The following DYM variants were observed in gnomAD, a reference collection of about 807,000 sequenced individuals.
DYM encodes the protein dyggve-Melchior-Clausen syndrome protein.
In DYM, 78 loss-of-function variants were observed where a neutral mutation model predicts 93.1. The observed-to-expected ratio is 0.84, with a 90% confidence interval of 0.70 to 1.01. The LOEUF (loss-of-function observed/expected upper bound fraction) is 1.01, where lower values mean the gene tolerates loss of function less well. Ranked by LOEUF, DYM falls within the 50% of genes least tolerant of loss-of-function variation. The pLI is 0.00. For synonymous variants in DYM, 321 were observed against 319.7 expected (o/e 1.00, Z -0.04); for missense variants, 789 against 845.0 (o/e 0.93, Z 0.82).
At chr18:49,281,249 T>G (rs962487651) in intron 10 of DYM, among the ~76,000 whole-genome samples, 5 of 152,176 alleles carry the variant, frequency 3.3e-5, no homozygotes, top group African/African-American at 1.2e-4. Flanking sequence ...AAAACCTCAA[T>G]GAGATACCAT....
At chr18:49,095,011 G>A (rs1313680828) in intron 17 of DYM, among the ~76,000 whole-genome samples, 1 of 151,916 alleles carries the variant, frequency 6.6e-6, no homozygotes, top group Non-Finnish European at 1.5e-5. Context: ...TTTCATAGAG[G>A]GCTTATTAAG....
intron 2 of DYM, chr18:49,411,791 A>T (rs1037869063): frequency 6.6e-6 from 1 of 152,216 alleles, no homozygotes; most frequent in African/African-American, 2.4e-5. Flanking sequence ...TTCAGCCAAC[A>T]ACATACAAAT....
rs79451553 is a variant in DYM, at chr18:49,066,843, C to T, written c.2026-22639G>A. ...TACAAGGTGGCTATCATACTTGCAT[C>T]TTGGCCAACATAGCCTCCTGTACTT... On this transcript the variant is annotated intron_variant, in intron 17 of 17. Coordinates refer to ENST00000675505, the MANE Select transcript of DYM (RefSeq NM_001353214.3). Among the ~76,000 whole-genome samples the T allele has an allele frequency of 5.3e-3, 809 of 152,230 alleles. 8 individuals are homozygous for T. Among genetic ancestry groups the T allele is most frequent in the African/African-American group, 0.018 (737 of 41,516 alleles).
chr18:49,102,591 A>G (rs1302877904), intron 16 of DYM, among the ~76,000 whole-genome samples: 1 of 151,892 alleles, frequency 6.6e-6, no homozygotes, highest in Non-Finnish European at 1.5e-5. Context: ...AACAGGCCCC[A>G]GTGTGTGACG....
intron 13 of DYM, among the ~76,000 whole-genome samples, chr18:49,229,749 A>G (rs1281696264): frequency 6.6e-6 from 1 of 152,154 alleles, no homozygotes; most frequent in Non-Finnish European, 1.5e-5. Context: ...TATGCCCAAG[A>G]AACTCTACTC....
At chr18:49,125,101 T>C (rs374332306) in intron 15 of DYM, among the ~76,000 whole-genome samples, 4 of 151,928 alleles carry the variant, frequency 2.6e-5, no homozygotes, top group South Asian at 4.2e-4. Flanking sequence ...CTACTAAATA[T>C]ACAAAAAAAG....
intron 14 of DYM, among the ~76,000 whole-genome samples, chr18:49,201,351 T>G (rs1600585846): frequency 6.6e-6 from 1 of 152,298 alleles, no homozygotes; most frequent in Admixed American, 6.5e-5. Flanking sequence ...ATTAAGTCCT[T>G]CTTTTTCCAT....
Position 49,440,309 on chromosome 18 carries a change from T to C in DYM, c.-53-9862A>G, listed in dbSNP as rs1483427697. ...TTCTACACTCTATTCCAGAATCGCT[T>C]TCCTCCTAAATATACATATACTATT... On this transcript the variant is annotated intron_variant, in intron 1 of 17. Coordinates refer to ENST00000675505, the MANE Select transcript of DYM (RefSeq NM_001353214.3). 3.7e-5 allele frequency among the ~76,000 whole-genome samples: 5 copies of C among 136,298 alleles called. 1 individual carries two copies. In the South Asian group the frequency reaches 1.2e-3, roughly 31 times the overall value. 89.4% of individuals were successfully genotyped at this position (136,298 alleles called of 152,430 possible). A position where few individuals can be genotyped will look rare whatever the true frequency, so the allele number is the denominator to read the frequency against.
intron 14 of DYM, among the ~76,000 whole-genome samples, chr18:49,190,486 C>T (rs1172414632): frequency 1.3e-5 from 2 of 152,146 alleles, no homozygotes; most frequent in Non-Finnish European, 2.9e-5. Context: ...TGCTAGGATG[C>T]AGAGACAATA....
At chr18:49,100,228 G>A (rs969282262) in intron 16 of DYM, among the ~76,000 whole-genome samples, 3 of 152,032 alleles carry the variant, frequency 2.0e-5, no homozygotes, top group East Asian at 1.9e-4. Context: ...ATGCTTCTAC[G>A]GATGAACTGT....
At chr18:49,243,939 C>A (rs2094101837) in intron 13 of DYM, among the ~76,000 whole-genome samples, 2 of 151,990 alleles carry the variant, frequency 1.3e-5, no homozygotes, top group African/African-American at 4.8e-5. Flanking sequence ...AAAGAATAGA[C>A]AAATACTCTT....
intron 15 of DYM, among the ~76,000 whole-genome samples, chr18:49,122,782 A>G (rs1031114557): frequency 3.3e-5 from 5 of 152,158 alleles, no homozygotes; most frequent in African/African-American, 1.2e-4. Flanking sequence ...CAGCATCACA[A>G]CCACAAGTCT....
At chr18:49,300,253 C>T (rs1459295160) in intron 8 of DYM, among the ~76,000 whole-genome samples, 4 of 151,492 alleles carry the variant, frequency 2.6e-5, no homozygotes, top group African/African-American at 7.3e-5. Flanking sequence ...ATAAACTTAA[C>T]GTTAACAATA....
chr18:49,127,099 C>T (rs1034243947), intron 15 of DYM, among the ~76,000 whole-genome samples: 10 of 152,178 alleles, frequency 6.6e-5, no homozygotes, highest in Admixed American at 6.5e-4. Context: ...AATCTGCTAG[C>T]TCATCAATGG....
At chr18:49,118,541 C>T in intron 16 of DYM, 2 of 553,856 alleles carry the variant, frequency 3.6e-6, no homozygotes, top group Non-Finnish European at 6.4e-6. Flanking sequence ...TGAAGTATGA[C>T]TTCAATTGTA....
intron 1 of DYM, among the ~76,000 whole-genome samples, chr18:49,437,713 G>A (rs2080984543): frequency 6.6e-6 from 1 of 152,088 alleles, no homozygotes; most frequent in Admixed American, 6.6e-5. Flanking sequence ...CTACTCCACA[G>A]CCACCATTGT....
chr18:49,426,369 G>A, intron 2 of DYM, among the ~76,000 whole-genome samples: 1 of 134,880 alleles, frequency 7.4e-6, no homozygotes, highest in Non-Finnish European at 1.5e-5. Flanking sequence ...ACACAGGGTG[G>A]GGAACATCAC....
intron 3 of DYM, among the ~76,000 whole-genome samples, chr18:49,386,497 A>G (rs1046592955): frequency 3.9e-5 from 6 of 152,152 alleles, no homozygotes; most frequent in African/African-American, 1.4e-4. Context: ...CCACAAACCT[A>G]TAACCCCAGT....
chr18:49,404,623 G>A (rs1292157204), intron 2 of DYM, among the ~76,000 whole-genome samples: 1 of 152,152 alleles, frequency 6.6e-6, no homozygotes, highest in East Asian at 1.9e-4. Context: ...TGACTGGTGT[G>A]AGATGGCAAA....
Sources: allele counts gnomAD v4.1 joint callset (sites outside exome capture counted in the v4.1 genomes callset), GRCh38; gene constraint gnomAD v4.1.1; transcripts MANE v1.5; gene names NCBI Gene and HGNC (gene_info 2026-07-23, HGNC 2026-07-21).